NUP93: variants seen among roughly 807,000 people sequenced by gnomAD.
The protein encoded by NUP93 is nucleoporin 93, also known as nuclear pore complex protein Nup93.
Under a neutral mutation model 107.8 loss-of-function variants are expected in NUP93, and 55 were observed. That is an observed-to-expected ratio of 0.51 (90% CI 0.41 to 0.64). NUP93 has a LOEUF of 0.64. Among genes scored for constraint, NUP93 ranks in the 30% least tolerant of loss-of-function variants. The pLI, the probability that NUP93 is intolerant of heterozygous loss-of-function variation, is 0.00. For missense variants in NUP93, 937 were observed against 1,044.7 expected, an observed-to-expected ratio of 0.90 and a Z score of 1.42; for synonymous variants, 390 against 397.5, an observed-to-expected ratio of 0.98 and a Z score of 0.22.
chr16:56,750,619 G>A (rs1961900706), intron 2 of NUP93, among the ~76,000 whole-genome samples: 1 of 152,092 alleles, frequency 6.6e-6, no homozygotes, highest in Admixed American at 6.5e-5. Context: ...ATATAAAAAT[G>A]TAAATCGGGT....
chr16:56,823,634 C>T, intron 7 of NUP93, 73 bp from the exon 8 acceptor site: 1 of 1,555,704 alleles, frequency 6.4e-7, no homozygotes, highest in African/African-American at 1.3e-5. Context: ...CTTTGGAGGT[C>T]AGAGTGCCAC....
At chr16:56,760,958 C>CA (rs200958462) in intron 3 of NUP93, among the ~76,000 whole-genome samples, 9 of 149,814 alleles carry the variant, frequency 6.0e-5, no homozygotes, top group African/African-American at 2.0e-4. Context: ...GACCCTGTCT[C>CA]AAAAAAAACC....
chr16:56,823,660 T>A, intron 7 of NUP93, 47 bp from the exon 8 acceptor site: 2 of 1,603,556 alleles, frequency 1.2e-6, no homozygotes, highest in Non-Finnish European at 1.7e-6. Context: ...ACTAGATAAT[T>A]TCTCTGGCCC....
At chr16:56,836,059 G>T (rs1963902997) in intron 16 of NUP93, among the ~76,000 whole-genome samples, 1 of 151,218 alleles carries the variant, frequency 6.6e-6, no homozygotes, top group African/African-American at 2.4e-5. Flanking sequence ...AACCTGGGAG[G>T]CAGAGCTTGC....
At chr16:56,818,534 G>T in intron 5 of NUP93, 130 bp from the exon 6 acceptor site, 1 of 697,354 alleles carries the variant, frequency 1.4e-6, no homozygotes, top group East Asian at 2.6e-5. Flanking sequence ...ATCACTTTGA[G>T]GAATTCTTAA....
chr16:56,805,699 T>A, intron 5 of NUP93, 67 bp downstream of exon 5: 2 of 1,509,148 alleles, frequency 1.3e-6, no homozygotes, highest in Non-Finnish European at 1.8e-6. Context: ...CTTGTCTACT[T>A]GACTAGTATT....
At chr16:56,783,594 C>G (rs1962560694) in intron 3 of NUP93, 1 of 985,282 alleles carries the variant, frequency 1.0e-6, no homozygotes, top group Non-Finnish European at 1.2e-6. Context: ...AATTATTTCC[C>G]TTTGTCTGAA....
chr16:56,834,877 T>A lies in NUP93; in HGVS notation c.1782+99T>A, dbSNP rs1219171091. 5 of 995,976 alleles carry A rather than the reference T, an allele frequency of 5.0e-6. No individual in the cohort carries two copies. The East Asian group carries it at 9.9e-5, about 20-fold the overall frequency. The allele number at this position is 995,976 out of a possible 1,614,324, so 61.7% of individuals were successfully genotyped here. ...ATTTTAAGATTCAAGGTACTAAAGA[T>A]GCAAATCTGAACAGAGTTGCTTAAT... is the stretch of plus-strand genomic sequence containing the variant. On this transcript the variant is annotated intron_variant, in intron 16 of 21. Coordinates refer to ENST00000308159, the MANE Select transcript of NUP93 (RefSeq NM_014669.5).
Position 56,833,385 on chromosome 16 carries a change from T to C in NUP93, c.1516T>C (p.Ser506Pro). ...LFELKLLLKS[S>P]GQSAQLLSHE... The stretch of plus-strand genomic sequence containing the variant: ...TGAGCTGAAGCTGCTTTTAAAGTCC[T>C]CTGGACAGAGTGCTCAGCTCCGTGA... Residue 506 changes from serine to proline, a missense_variant, in exon 13 of 22, where the codon TCT becomes CCT. Ser to Pro is a moderately conservative substitution (Grantham distance 74). Transcript: ENST00000308159. 1 of 1,565,602 alleles carries C rather than the reference T, an allele frequency of 6.4e-7. No homozygotes were observed. The highest frequency in any genetic ancestry group is 8.6e-7 in the Non-Finnish European group (1 of 1,162,538).
rs118070237 is a variant in NUP93, at chr16:56,795,510, T to C, written c.298-2966T>C. On this transcript the variant is annotated intron_variant, in intron 3 of 21. Transcript: ENST00000308159. Reference sequence around the variant, plus strand: ...CTTTATGTGCTCTGGTTTATTAATGTCATTACATTATTAGGCAAATGACCA... The same window carrying C: ...CTTTATGTGCTCTGGTTTATTAATGCCATTACATTATTAGGCAAATGACCA... Among the ~76,000 whole-genome samples the C allele has an allele frequency of 7.1e-4, 108 of 152,302 alleles. 2 individuals carry two copies. In the East Asian group the frequency reaches 0.019, roughly 27 times the overall value.
intron 2 of NUP93, among the ~76,000 whole-genome samples, chr16:56,750,812 C>T (rs560650750): frequency 6.6e-6 from 1 of 152,252 alleles, no homozygotes; most frequent in Admixed American, 6.5e-5. Flanking sequence ...TTGCTGACTC[C>T]TGGTATAAAT....
intron 3 of NUP93, among the ~76,000 whole-genome samples, chr16:56,772,191 A>G (rs892655554): frequency 1.8e-4 from 27 of 152,164 alleles, no homozygotes; most frequent in Non-Finnish European, 3.2e-4. Flanking sequence ...TATTGAGGGC[A>G]GAAAAAGGAT....
intron 2 of NUP93, among the ~76,000 whole-genome samples, chr16:56,751,229 G>C (rs991329880): frequency 1.3e-5 from 2 of 151,832 alleles, no homozygotes; most frequent in Admixed American, 6.6e-5. Context: ...GTCATCCAAC[G>C]TAACCAATGT....
chr16:56,755,337 A>G (rs1243511610), intron 2 of NUP93, among the ~76,000 whole-genome samples: 3 of 150,954 alleles, frequency 2.0e-5, no homozygotes, highest in Admixed American at 6.6e-5. Context: ...CCTTGAAAGC[A>G]TTATGTTAAA....
chr16:56,787,921 T>G (rs768167816), intron 3 of NUP93, among the ~76,000 whole-genome samples: 1 of 152,188 alleles, frequency 6.6e-6, no homozygotes, highest in Non-Finnish European at 1.5e-5. Flanking sequence ...TATTTATACC[T>G]TGGGTGAGGA....
chr16:56,842,555 C>CTT (rs5817078), intron 21 of NUP93: 119 of 418,822 alleles, frequency 2.8e-4, no homozygotes, highest in Middle Eastern at 1.6e-3. Flanking sequence ...ATGGTGTTTG[C>CTT]TTTTTTTTTT....
In NUP93 at chr16:56,834,760, G is replaced by A. The variant is rs768573369; in HGVS notation, c.1764G>A (p.Glu588=). Residue 588 remains glutamate, a synonymous_variant, in exon 16 of 22, where the codon GAG becomes GAA. Transcript: ENST00000308159. ...REFDMILGKL[E]NDGSRKPGVI... ...TCGATATGATTCTTGGGAAACTAGAGAATGACGGAAGTAGAAAGGTGAGTT... is the reference window on the plus strand; with the variant it reads ...TCGATATGATTCTTGGGAAACTAGAAAATGACGGAAGTAGAAAGGTGAGTT... The A allele has an allele frequency of 6.2e-7, 1 of 1,612,190 alleles. No individual in the cohort carries two copies. Among genetic ancestry groups the A allele is most frequent in the Non-Finnish European group, 8.5e-7 (1 of 1,178,634 alleles).
At chr16:56,816,684 T>C (rs1183709501) in intron 5 of NUP93, among the ~76,000 whole-genome samples, 1 of 152,074 alleles carries the variant, frequency 6.6e-6, no homozygotes. Context: ...AGAACTAGGG[T>C]GTGCCATTCC....
Position 56,827,069 on chromosome 16 carries a change from ATT to A in NUP93, c.795-1905_795-1904del, listed in dbSNP as rs1299742901. On this transcript the variant is annotated intron_variant, in intron 8 of 21. Coordinates refer to ENST00000308159, the MANE Select transcript of NUP93 (RefSeq NM_014669.5). Reference sequence around the variant, plus strand: ...CAAAAAAAAAAAAAAAAAAAAAAAAATTTTGTTGAGTCTGTTTCCTGTTATTA... The same window carrying A: ...CAAAAAAAAAAAAAAAAAAAAAAAAATTGTTGAGTCTGTTTCCTGTTATTA... 8.4e-3 allele frequency among the ~76,000 whole-genome samples: 1,059 copies of A among 125,622 alleles called. 25 individuals carry two copies. Among genetic ancestry groups the A allele is most frequent in the African/African-American group, 0.028 (1,000 of 36,048 alleles). 82.4% of individuals were successfully genotyped at this position (125,622 alleles called of 152,430 possible). A position where few individuals can be genotyped will look rare whatever the true frequency, so the allele number is the denominator to read the frequency against.
Sources: allele counts gnomAD v4.1 joint callset (sites outside exome capture counted in the v4.1 genomes callset), GRCh38; gene constraint gnomAD v4.1.1; transcripts MANE v1.5; gene names NCBI Gene and HGNC (gene_info 2026-07-23, HGNC 2026-07-21).